The following FCSK variants were observed in gnomAD, a reference collection of about 807,000 sequenced individuals.
FCSK encodes fucose kinase.
FCSK carries 123 observed loss-of-function variants against 122.5 expected under a neutral mutation model. That is an observed-to-expected ratio of 1.00 (90% CI 0.87 to 1.17). FCSK has a LOEUF of 1.17. FCSK is among the 50% of genes most tolerant of loss of function. The pLI, the probability that FCSK is intolerant of heterozygous loss-of-function variation, is 0.00. For missense variants in FCSK, 1,366 were observed against 1,450.4 expected (o/e 0.94, Z 0.95); for synonymous variants, 620 against 625.5 (o/e 0.99, Z 0.13).
chr16:70,455,355 C>T (rs190227414), intron 1 of FCSK, among the ~76,000 whole-genome samples: 36 of 152,328 alleles, frequency 2.4e-4, no homozygotes, highest in African/African-American at 5.3e-4. Context: ...CGCCAAGGCT[C>T]ATGCCTGTAA....
At position 70,479,603 on chromosome 16, in the gene FCSK, C is replaced by G; in HGVS notation, c.3178C>G (p.Leu1060Val). The G allele has an allele frequency of 6.2e-7, 1 of 1,614,090 alleles. No homozygotes were observed. The highest frequency in any genetic ancestry group is 8.5e-7 in the Non-Finnish European group (1 of 1,179,960). Residue 1060 changes from leucine to valine, a missense_variant, in exon 24 of 24, where the codon CTG becomes GTG. Leu to Val is a conservative substitution (Grantham distance 32). Coordinates refer to ENST00000288078, the MANE Select transcript of FCSK (RefSeq NM_145059.3). Reference protein sequence around the residue: ...TEGLGNYSIHLVEVDTQGLSL... With the variant: ...TEGLGNYSIHVVEVDTQGLSL... ...GGGCCTTGGGAATTACAGCATCCAC[C>G]TGGTTGAAGTGGACACTCAGGGCCT...
chr16:70,465,347 C>A (rs2048384458), intron 4 of FCSK, among the ~76,000 whole-genome samples, 171 bp downstream of exon 4: 2 of 152,124 alleles, frequency 1.3e-5, no homozygotes, highest in African/African-American at 4.8e-5. Flanking sequence ...ATTTTCCCAG[C>A]AGAATATTAG....
Position 70,471,301 on chromosome 16 carries a change from C to G in FCSK, c.1290C>G (p.His430Gln), listed in dbSNP as rs368134831. ...LVLQGHHTRL[H>Q]GSPGHAFTLV... Reference sequence around the variant, plus strand: ...TGCAGGGACACCACACGCGGCTACACGGCTCCCCGGGCCACGCCTTCACCC... The same window carrying G: ...TGCAGGGACACCACACGCGGCTACAGGGCTCCCCGGGCCACGCCTTCACCC... Residue 430 changes from histidine (H) to glutamine (Q), a missense_variant, in exon 13 of 24, where the codon CAC (histidine) becomes CAG (glutamine). By Grantham distance (24) the His-to-Gln change is conservative (BLOSUM62 0). Transcript: ENST00000288078. The G allele has an allele frequency of 5.6e-6, 9 of 1,602,662 alleles. No homozygotes were observed. In the African/African-American group the frequency reaches 1.1e-4, roughly 19 times the overall value.
At chr16:70,454,882 C>T (rs909908814) in intron 1 of FCSK, 1 of 152,286 alleles carries the variant, frequency 6.6e-6, no homozygotes, top group African/African-American at 2.4e-5. Flanking sequence ...GCGGCCGGAC[C>T]TGCTGGCAGC....
At chr16:70,475,971 C>T in intron 20 of FCSK, 1 of 507,440 alleles carries the variant, frequency 2.0e-6, no homozygotes, top group Non-Finnish European at 3.4e-6. Flanking sequence ...AGCCGTTTCA[C>T]AAGCATCTAC....
rs75025318 is a variant in FCSK, at chr16:70,478,623, G to C, written c.2902G>C (p.Glu968Gln). ...QNAHSLVRQT[E>Q]ECAEGFRQGS... is the part of the protein sequence containing the mutation. The stretch of plus-strand genomic sequence containing the variant: ...TGCCCACAGCCTGGTACGGCAAACT[G>C]AGGAGTGTGCTGAAGGCTTCCGCCA... The change falls in exon 22 of 24, where the codon GAG becomes CAG. Residue 968 changes from glutamate (E) to glutamine (Q), a missense_variant. By Grantham distance (29) the Glu-to-Gln change is conservative. Transcript: ENST00000288078. 1.2e-6 allele frequency: 2 copies of C among 1,613,732 alleles called. No individual in the cohort carries two copies. The highest frequency in any genetic ancestry group is 1.3e-5 in the African/African-American group (1 of 75,058).
chr16:70,475,537 C>G lies in FCSK; in HGVS notation c.2521+44C>G, dbSNP rs201903110. 2.3e-4 allele frequency: 372 copies of G among 1,594,570 alleles called. No individual in the cohort carries two copies. The African/African-American group carries it at 2.6e-3, about 11-fold the overall frequency. On this transcript the variant is annotated intron_variant, in intron 19 of 23. Coordinates refer to ENST00000288078, the MANE Select transcript of FCSK (RefSeq NM_145059.3). ...CTGCTACCCACCGACTGTTACAGCCCTCCAGCCTTGCCTGTGATCCCCCTT... is the reference window on the plus strand; with the variant it reads ...CTGCTACCCACCGACTGTTACAGCCGTCCAGCCTTGCCTGTGATCCCCCTT...
In FCSK at chr16:70,475,789, G is replaced by A. The variant is rs1156676628; in HGVS notation, c.2641+22G>A. On this transcript the variant is annotated intron_variant, in intron 20 of 23. Transcript: ENST00000288078. The stretch of plus-strand genomic sequence containing the variant: ...ACTGGTATGTGACTGCCCTGGAGTT[G>A]GAGGAGGTCACTGACACTTTCCCAA... The A allele has an allele frequency of 1.9e-6, 3 of 1,539,044 alleles. No homozygotes were observed. In the African/African-American group the frequency reaches 4.1e-5, roughly 21 times the overall value.
At chr16:70,466,031 T>C (rs2048407692) in intron 4 of FCSK, 101 bp from the exon 5 acceptor site, 2 of 1,248,096 alleles carry the variant, frequency 1.6e-6, no homozygotes, top group Non-Finnish European at 2.3e-6. Context: ...AGAGAACATT[T>C]TTTATCAGCC....
intron 3 of FCSK, 165 bp from the exon 4 acceptor site, chr16:70,464,961 A>C: frequency 6.7e-7 from 1 of 1,484,000 alleles, no homozygotes. Flanking sequence ...TCCAGGAGGG[A>C]CCAGGGCTGC....
At chr16:70,464,914 A>T in intron 3 of FCSK, 4 of 953,070 alleles carry the variant, frequency 4.2e-6, no homozygotes, top group Non-Finnish European at 6.2e-6. Flanking sequence ...CCAGCCAGCA[A>T]GAAGGTGGCC....
At chr16:70,466,591 A>G in intron 5 of FCSK, 1 of 505,572 alleles carries the variant, frequency 2.0e-6, no homozygotes, top group Non-Finnish European at 3.5e-6. Flanking sequence ...CAGCTACTCA[A>G]GAGGCTGAGG....
At chr16:70,454,996 TCTCAGTTTACCCGGCCAGGG>T (rs2048045110) in intron 1 of FCSK, 1 of 152,230 alleles carries the variant, frequency 6.6e-6, no homozygotes, top group Non-Finnish European at 1.5e-5. Flanking sequence ...GCTTCTCCTC[TCTCAGTTTACCCGGCCAGGG>T]CTCAGTATTA....
chr16:70,463,474 C>A, intron 2 of FCSK, 149 bp from the exon 3 acceptor site: 9 of 1,064,972 alleles, frequency 8.5e-6, no homozygotes, highest in Non-Finnish European at 1.3e-5. Context: ...TATGACTTCT[C>A]TCACTAAGTT....
intron 14 of FCSK, 86 bp from the exon 15 acceptor site, chr16:70,472,897 C>G (rs982922220): frequency 2.1e-6 from 3 of 1,461,658 alleles, no homozygotes; most frequent in Admixed American, 4.6e-5. Flanking sequence ...TGTCCTGTCC[C>G]CATGAACTGA....
At chr16:70,462,536 G>C (rs1288163130) in intron 1 of FCSK, among the ~76,000 whole-genome samples, 1 of 152,208 alleles carries the variant, frequency 6.6e-6, no homozygotes, top group Non-Finnish European at 1.5e-5. Flanking sequence ...ATGTTGGCCA[G>C]GCTGGTCTCG....
chr16:70,465,286 GAAAGATTCT>G, intron 4 of FCSK, 110 bp downstream of exon 4: 3 of 1,105,104 alleles, frequency 2.7e-6, no homozygotes. Context: ...GATGAAATCT[GAAAGATTCT>G]AAATGTCCAA....
Position 70,474,863 on chromosome 16 carries a change from C to T in FCSK, c.2229C>T (p.Asp743=), listed in dbSNP as rs768446096. ...TGCTGGGCCTGGCTGTGCGAGTGGA[C>T]GGCCGCCGGCCCATCGGAGCCAGGG... ...GAVLGLAVRV[D]GRRPIGARAR... The change falls in exon 18 of 24, where the codon GAC becomes GAT. Residue 743 remains aspartate (D), a synonymous_variant. Transcript: ENST00000288078. 30 of 1,596,316 alleles carry T rather than the reference C, an allele frequency of 1.9e-5. No homozygotes were observed. Among genetic ancestry groups the T allele is most frequent in the South Asian group, 6.8e-5 (6 of 88,864 alleles).
intron 23 of FCSK, 80 bp downstream of exon 23, chr16:70,479,483 A>G (rs1316354744): frequency 1.6e-5 from 23 of 1,474,034 alleles, no homozygotes; most frequent in Admixed American, 5.7e-5. Flanking sequence ...ACCAGGGGCT[A>G]TATCTGTAAG....
Sources: allele counts gnomAD v4.1 joint callset (sites outside exome capture counted in the v4.1 genomes callset), GRCh38; gene constraint gnomAD v4.1.1; transcripts MANE v1.5; gene names NCBI Gene and HGNC (gene_info 2026-07-23, HGNC 2026-07-21).